Variants in USP9X observed in about 807,000 individuals in gnomAD.
USP9X encodes ubiquitin specific peptidase 9 X-linked, also known as ubiquitin carboxyl-terminal hydrolase 9X.
A neutral mutation model predicts 190.3 loss-of-function variants in USP9X; 7 were observed. That is an observed-to-expected ratio of 0.04 (90% CI 0.02 to 0.07). The LOEUF (loss-of-function observed/expected upper bound fraction) is 0.07. Among genes scored for constraint, USP9X ranks in the 10% least tolerant of loss-of-function variants. The probability of loss-of-function intolerance (pLI) is 1.00; values close to 1 mark genes in which losing one functional copy is unlikely to be tolerated. For missense variants in USP9X, 1,010 were observed against 1,916.9 expected (o/e 0.53, Z 8.83); for synonymous variants, 645 against 659.5 (o/e 0.98, Z 0.34).
intron 11 of USP9X, among the ~76,000 whole-genome samples, chrX:41,147,160 G>C (rs1214041622): frequency 9.3e-6 from 1 of 108,035 alleles, no homozygotes; most frequent in Non-Finnish European, 1.9e-5. Flanking sequence ...TCTGTCAATA[G>C]TTTTGATACA....
In USP9X at chrX:41,233,046, T is replaced by C. The variant is rs982806864; in HGVS notation, c.*522T>C. 4.4e-5 allele frequency: 5 copies of C among 112,771 alleles called. No individual in the cohort carries two copies. Among genetic ancestry groups the C allele is most frequent in the African/African-American group, 1.6e-4 (5 of 31,041 alleles). The allele number at this position is 112,771 out of a possible 1,213,427, so 9.3% of individuals were successfully genotyped here. ...AATTTTGCTATGAGCAATGTAAGGCTGGTAACCTTTAAATTATTTGGTTGA... is the reference window on the plus strand; with the variant it reads ...AATTTTGCTATGAGCAATGTAAGGCCGGTAACCTTTAAATTATTTGGTTGA... On this transcript the variant is annotated 3_prime_UTR_variant, in exon 45 of 45. Coordinates refer to ENST00000378308, the MANE Select transcript of USP9X (RefSeq NM_001039591.3).
rs1236843632 is a variant in USP9X at position 41,216,056 on chromosome X, C to T, written c.5489C>T (p.Ala1830Val). The T allele has an allele frequency of 4.1e-6, 5 of 1,209,727 alleles. No individual in the cohort carries two copies. The highest frequency in any genetic ancestry group is 5.6e-6 in the Non-Finnish European group (5 of 895,263). The stretch of plus-strand genomic sequence containing the variant: ...CTGGACATGGAACCTTACACAGTTG[C>T]AGGTGTCGCAAAGCTGGAAGGGGAT... ...RELDMEPYTV[A>V]GVAKLEGDNV... is the part of the protein sequence containing the mutation. The change falls in exon 35 of 45, where the codon GCA (alanine) becomes GTA (valine). Residue 1830 changes from alanine (A) to valine (V), a missense_variant. By Grantham distance (64) the Ala-to-Val change is moderately conservative (BLOSUM62 0). Transcript: ENST00000378308.
rs1051133974 is a variant in USP9X at position 41,216,236 on chromosome X, G to A, written c.5669G>A (p.Gly1890Glu). 138 of 1,209,569 alleles carry A rather than the reference G, an allele frequency of 1.1e-4. No homozygotes were observed. Among genetic ancestry groups the A allele is most frequent in the Non-Finnish European group, 1.5e-4 (131 of 895,168 alleles). The change falls in exon 35 of 45, where the codon GGA becomes GAA. Residue 1890 changes from glycine to glutamate, a missense_variant. Physicochemically the swap from Gly to Glu is moderately conservative, Grantham distance 98. This residue lies in a region of USP9X where 120 missense variants were observed against 342.7 expected (regional missense o/e 0.35). Transcript: ENST00000378308. ...YYSYIIQRNGGDGERNRWYKF... is the reference protein window; with the variant it reads ...YYSYIIQRNGEDGERNRWYKF... ...TCTTACATCATCCAAAGGAATGGTG[G>A]AGATGGTGAGAGAAATCGCTGGTAT...
chrX:41,101,745 T>C (rs1355942180), intron 1 of USP9X, among the ~76,000 whole-genome samples: 2 of 112,748 alleles, frequency 1.8e-5, no homozygotes, highest in African/African-American at 6.4e-5. Flanking sequence ...TTAGTGGAAT[T>C]TGTGTATGTA....
At chrX:41,143,929 T>G (rs769767015) in intron 10 of USP9X, among the ~76,000 whole-genome samples, 1 of 112,084 alleles carries the variant, frequency 8.9e-6, no homozygotes, top group East Asian at 2.8e-4. Context: ...AGTTTTCTAA[T>G]CGTGGATTTC....
At chrX:41,191,588 A>G (rs975553370) in intron 26 of USP9X, among the ~76,000 whole-genome samples, 2 of 112,003 alleles carry the variant, frequency 1.8e-5, no homozygotes, top group African/African-American at 6.5e-5. Flanking sequence ...AAATGCTAAC[A>G]CTAAGACTGA....
rs768006757 is a variant in USP9X at position 41,150,599 on chromosome X, C to G, written c.1627-322C>G. On this transcript the variant is annotated intron_variant, in intron 12 of 44. Transcript: ENST00000378308. ...TTAAAATACTGGCTAAATACCTACCCTCTGGCAAACTTGGAAAATGAAACT... is the reference window on the plus strand; with the variant it reads ...TTAAAATACTGGCTAAATACCTACCGTCTGGCAAACTTGGAAAATGAAACT... 3.5e-4 allele frequency among the ~76,000 whole-genome samples: 39 copies of G among 111,227 alleles called. 1 individual carries two copies. The East Asian group carries it at 9.6e-3, about 27-fold the overall frequency.
At chrX:41,202,016 A>G (rs2147204098) in intron 31 of USP9X, among the ~76,000 whole-genome samples, 1 of 111,242 alleles carries the variant, frequency 9.0e-6, no homozygotes, top group South Asian at 3.7e-4. Flanking sequence ...TTTTGTGTAG[A>G]GTGTTTAGTA....
At chrX:41,196,905 A>T (rs1327673627) in intron 28 of USP9X, among the ~76,000 whole-genome samples, 167 bp downstream of exon 28, 1 of 112,446 alleles carries the variant, frequency 8.9e-6, no homozygotes, top group East Asian at 2.8e-4. Flanking sequence ...TCTGTGATTC[A>T]CAAAATGCAT....
chrX:41,144,355 G>A (rs1040938368), intron 10 of USP9X, among the ~76,000 whole-genome samples, 167 bp from the exon 11 acceptor site: 1 of 109,431 alleles, frequency 9.1e-6, no homozygotes, highest in Non-Finnish European at 1.9e-5. Flanking sequence ...GAGTAGGTGG[G>A]ATTATAGGCA....
chrX:41,086,332 G>A (rs1318574944), intron 1 of USP9X, among the ~76,000 whole-genome samples: 3 of 111,877 alleles, frequency 2.7e-5, no homozygotes, highest in Non-Finnish European at 5.7e-5. Context: ...GTGTCTGTGT[G>A]TTTTGGACTG....
Position 41,098,419 on chromosome X carries a change from C to T in USP9X, c.-159+12310C>T, listed in dbSNP as rs1178524878. ...CCTCCCAAAGTGCAGGGATTACAGG[C>T]GTGAGCCACCGTGCCCAGCCTGACC... On this transcript the variant is annotated intron_variant, in intron 1 of 44. Coordinates refer to ENST00000378308, the MANE Select transcript of USP9X (RefSeq NM_001039591.3). 6.3e-5 allele frequency among the ~76,000 whole-genome samples: 7 copies of T among 110,656 alleles called. 1 individual carries two copies. The highest frequency in any genetic ancestry group is 9.9e-5 in the African/African-American group (3 of 30,396).
At chrX:41,108,912 C>T (rs769064437) in intron 1 of USP9X, among the ~76,000 whole-genome samples, 2 of 111,345 alleles carry the variant, frequency 1.8e-5, no homozygotes, top group Admixed American at 9.6e-5. Flanking sequence ...GAAAAAAGAG[C>T]CCCAGACTTC....
intron 33 of USP9X, among the ~76,000 whole-genome samples, chrX:41,211,126 G>T (rs1056841750): frequency 1.8e-5 from 2 of 111,218 alleles, no homozygotes; most frequent in Non-Finnish European, 3.8e-5. Context: ...CAAATAGCTG[G>T]GACTACAGGC....
intron 21 of USP9X, among the ~76,000 whole-genome samples, 196 bp from the exon 22 acceptor site, chrX:41,183,801 GT>G (rs770672109): frequency 9.3e-6 from 1 of 107,766 alleles, no homozygotes; most frequent in African/African-American, 3.4e-5. Context: ...AAAGAGCCCT[GT>G]TTTTTGTTTT....
intron 2 of USP9X, among the ~76,000 whole-genome samples, chrX:41,125,718 T>TCTCTCTCTCTCTCTCTCG (rs1176200100): frequency 1.0e-5 from 1 of 99,196 alleles, no homozygotes; most frequent in African/African-American, 4.1e-5. Flanking sequence ...TCTCTCTCTC[T>TCTCTCTCTCTCTCTCTCG]CGCGCACGCG....
chrX:41,162,495 T>C (rs1465855506), intron 14 of USP9X, among the ~76,000 whole-genome samples: 1 of 112,501 alleles, frequency 8.9e-6, no homozygotes, highest in Non-Finnish European at 1.9e-5. Context: ...AGGTCAGTCT[T>C]AGGCTGCAAT....
intron 32 of USP9X, 119 bp from the exon 33 acceptor site, chrX:41,210,390 C>T: frequency 1.4e-6 from 1 of 716,618 alleles, no homozygotes; most frequent in Non-Finnish European, 2.1e-6. Context: ...GGAATAAAAT[C>T]TCGGTTTTAT....
intron 14 of USP9X, among the ~76,000 whole-genome samples, chrX:41,161,382 C>A (rs1452532263): frequency 9.6e-5 from 8 of 83,740 alleles, no homozygotes; most frequent in Non-Finnish European, 1.5e-4. Context: ...TTCTGTTACC[C>A]AGGCTGGAGT....
Sources: allele counts gnomAD v4.1 joint callset (sites outside exome capture counted in the v4.1 genomes callset), GRCh38; gene constraint gnomAD v4.1.1; regional missense constraint gnomAD v4.1.1; transcripts MANE v1.5; gene names NCBI Gene and HGNC (gene_info 2026-07-23, HGNC 2026-07-21).